Variants in TSHZ1 observed in about 807,000 individuals in gnomAD.
TSHZ1 encodes the protein teashirt homolog 1.
In TSHZ1, 12 loss-of-function variants were observed where a neutral mutation model predicts 67.1. The observed-to-expected ratio is 0.18, with a 90% CI of 0.11 to 0.29. The LOEUF is 0.29. TSHZ1 is among the 10% of genes least tolerant of loss of function. TSHZ1 has a pLI of 1.00. For missense variants in TSHZ1, 1,305 were observed against 1,413.9 expected (o/e 0.92, Z 1.23); for synonymous variants, 632 against 622.4 (o/e 1.02, Z -0.23).
intron 1 of TSHZ1, among the ~76,000 whole-genome samples, chr18:75,265,109 T>C (rs1283374358): frequency 2.0e-5 from 3 of 152,194 alleles, no homozygotes; most frequent in Non-Finnish European, 4.4e-5. Flanking sequence ...GGTAGAGAAA[T>C]GTTTTGGAAA....
At chr18:75,236,023 G>T (rs28560317) in intron 1 of TSHZ1, among the ~76,000 whole-genome samples, 5 of 152,138 alleles carry the variant, frequency 3.3e-5, no homozygotes, top group Non-Finnish European at 2.9e-5. Context: ...GATAGGAAGC[G>T]TGCGTGATAG....
At chr18:75,212,216 AG>A (rs1363093784) in intron 1 of TSHZ1, among the ~76,000 whole-genome samples, 1 of 152,014 alleles carries the variant, frequency 6.6e-6, no homozygotes, top group Non-Finnish European at 1.5e-5. Flanking sequence ...CTACCTCAGG[AG>A]GGGGCGTGCG....
intron 1 of TSHZ1, among the ~76,000 whole-genome samples, chr18:75,226,520 T>A (rs2022927769): frequency 6.6e-6 from 1 of 152,214 alleles, no homozygotes; most frequent in Non-Finnish European, 1.5e-5. Context: ...ATTTCGCCAT[T>A]ACTGAGTTAA....
At chr18:75,270,600 T>C (rs1204945771) in intron 1 of TSHZ1, among the ~76,000 whole-genome samples, 1 of 152,204 alleles carries the variant, frequency 6.6e-6, no homozygotes, top group African/African-American at 2.4e-5. Flanking sequence ...ATTTCAATAT[T>C]GCCACTGGAA....
intron 1 of TSHZ1, among the ~76,000 whole-genome samples, chr18:75,253,722 T>C (rs2023331330): frequency 6.6e-6 from 1 of 152,222 alleles, no homozygotes; most frequent in African/African-American, 2.4e-5. Flanking sequence ...CAAGTAAAAA[T>C]TGCCCACTGG....
At chr18:75,238,840 C>T (rs183840658) in intron 1 of TSHZ1, among the ~76,000 whole-genome samples, 51 of 152,328 alleles carry the variant, frequency 3.3e-4, no homozygotes, top group African/African-American at 1.1e-3. Flanking sequence ...TAATTTGTTG[C>T]CTGACACATC....
In TSHZ1 at chr18:75,211,346, T is replaced by G. The variant is rs1264246765; in HGVS notation, c.-531T>G. On this transcript the variant is annotated 5_prime_UTR_variant, in exon 1 of 2. An upstream start codon of the reference 5' UTR is lost. Transcript: ENST00000580243. ...CTGCATCGGCCTCGCTGGCGCACAATGAGAAAGCTGCGACCCGCGCACTAA... is the reference window on the plus strand; with the variant it reads ...CTGCATCGGCCTCGCTGGCGCACAAGGAGAAAGCTGCGACCCGCGCACTAA... 2 of 151,840 alleles carry G rather than the reference T, an allele frequency of 1.3e-5. No individual in the cohort carries two copies. The highest frequency in any genetic ancestry group is 3.9e-4 in the East Asian group (2 of 5,132). The allele number at this position is 151,840 out of a possible 1,614,324, so 9.4% of individuals were successfully genotyped here. A position where few individuals can be genotyped will look rare whatever the true frequency, so the allele number is the denominator to read the frequency against.
intron 1 of TSHZ1, chr18:75,282,867 C>A (rs1223899641): frequency 6.6e-6 from 1 of 152,496 alleles, no homozygotes; most frequent in Non-Finnish European, 1.5e-5. Flanking sequence ...CATGGGAGGG[C>A]TGGTTTAGCC....
Position 75,288,520 on chromosome 18 carries a change from A to T in TSHZ1, c.3113A>T (p.Gln1038Leu). 1 of 1,614,252 alleles carries T rather than the reference A, an allele frequency of 6.2e-7. No individual in the cohort carries two copies. The highest frequency in any genetic ancestry group is 8.5e-7 in the Non-Finnish European group (1 of 1,180,048). ...ATEEDLGSTF[Q>L]CKLCNRTFAS... ...GAGGAAGACTTGGGCTCCACATTCCAATGTAAGCTCTGCAACCGGACTTTT... is the reference window on the plus strand; with the variant it reads ...GAGGAAGACTTGGGCTCCACATTCCTATGTAAGCTCTGCAACCGGACTTTT... Residue 1038 changes from glutamine (Q) to leucine (L), a missense_variant, in exon 2 of 2, where the codon CAA (glutamine) becomes CTA (leucine). By Grantham distance (113) the Gln-to-Leu change is moderately radical (BLOSUM62 -2). Transcript: ENST00000580243. This position sits in a 1 kb window ranked among gnomAD's most constrained non-coding sequence, Gnocchi z 4.9.
At chr18:75,238,000 C>CA (rs2023101066) in intron 1 of TSHZ1, among the ~76,000 whole-genome samples, 8 of 152,016 alleles carry the variant, frequency 5.3e-5, no homozygotes, top group African/African-American at 1.9e-4. Context: ...TTAGTAGAGA[C>CA]GGGGTTTCTC....
intron 1 of TSHZ1, among the ~76,000 whole-genome samples, chr18:75,236,224 T>C (rs9960011): frequency 0.038 from 5,735 of 152,268 alleles, 137 homozygotes; most frequent in African/African-American, 0.069. Context: ...CAGGGGTGTG[T>C]GTCTCAGCTG....
chr18:75,286,872 T>C lies in TSHZ1; in HGVS notation c.1465T>C (p.Ser489Pro). ...CTCCAGCATCAAAAAGCAGCCCGAC[T>C]CTCCCGCGGGGTCCACGACTTCTGA... Reference protein sequence around the residue: ...PASSIKKQPDSPAGSTTSEEK... With the variant: ...PASSIKKQPDPPAGSTTSEEK... Residue 489 changes from serine to proline, a missense_variant, in exon 2 of 2, where the codon TCT becomes CCT. By Grantham distance (74) the Ser-to-Pro change is moderately conservative. Transcript: ENST00000580243. The surrounding 1 kb of genome is among the most constrained non-coding windows in gnomAD (Gnocchi z 5.1). 1 of 1,614,000 alleles carries C rather than the reference T, an allele frequency of 6.2e-7. No individual in the cohort carries two copies. Among genetic ancestry groups the C allele is most frequent in the South Asian group, 1.1e-5 (1 of 91,076 alleles).
intron 1 of TSHZ1, among the ~76,000 whole-genome samples, chr18:75,256,633 A>G (rs1000454505): frequency 2.6e-5 from 4 of 152,256 alleles, no homozygotes; most frequent in Non-Finnish European, 5.9e-5. Context: ...TCATATAAAC[A>G]TCATTATAGT....
chr18:75,259,226 A>T, intron 1 of TSHZ1, among the ~76,000 whole-genome samples: 2 of 152,328 alleles, frequency 1.3e-5, no homozygotes, highest in African/African-American at 4.8e-5. Context: ...GATTTCACTC[A>T]GTCTCTTTCA....
rs2023814328 is a variant in TSHZ1, at chr18:75,288,357, A to G, written c.2950A>G (p.Thr984Ala). The G allele has an allele frequency of 6.2e-7, 1 of 1,614,092 alleles. No homozygotes were observed. The highest frequency in any genetic ancestry group is 1.3e-5 in the African/African-American group (1 of 74,932). ...DCASQFRTASTYISHLETHLG... is the reference protein window; with the variant it reads ...DCASQFRTASAYISHLETHLG... ...TGCCTCTCAGTTCAGAACTGCTTCT[A>G]CATACATAAGTCATTTGGAGACACA... Residue 984 changes from threonine to alanine, a missense_variant, in exon 2 of 2, where the codon ACA becomes GCA. Physicochemically the swap from Thr to Ala is moderately conservative, Grantham distance 58. Coordinates refer to ENST00000580243, the MANE Select transcript of TSHZ1 (RefSeq NM_001308210.2). The surrounding 1 kb of genome is among the most constrained non-coding windows in gnomAD (Gnocchi z 4.9).
At chr18:75,280,524 A>G (rs1474970133) in intron 1 of TSHZ1, among the ~76,000 whole-genome samples, 2 of 152,240 alleles carry the variant, frequency 1.3e-5, no homozygotes, top group Non-Finnish European at 2.9e-5. Context: ...ACAAAAGAAA[A>G]TAACTTGATC....
chr18:75,268,825 C>G (rs1007882493), intron 1 of TSHZ1, among the ~76,000 whole-genome samples: 2 of 152,188 alleles, frequency 1.3e-5, no homozygotes, highest in African/African-American at 4.8e-5. Flanking sequence ...GATATTCTTA[C>G]TGATTTAAAG....
intron 1 of TSHZ1, among the ~76,000 whole-genome samples, chr18:75,262,292 AG>A (rs138041544): frequency 0.014 from 2,078 of 152,314 alleles, 32 homozygotes; most frequent in Middle Eastern, 0.054. Context: ...AACAAACAAA[AG>A]ACCATGGCAG....
chr18:75,282,223 G>C (rs866941426), intron 1 of TSHZ1, among the ~76,000 whole-genome samples: 1 of 152,148 alleles, frequency 6.6e-6, no homozygotes, highest in South Asian at 2.1e-4. Flanking sequence ...TCTGGACAAC[G>C]CTCTGTGCCT....
Sources: allele counts gnomAD v4.1 joint callset (sites outside exome capture counted in the v4.1 genomes callset), GRCh38; gene constraint gnomAD v4.1.1; non-coding constraint Gnocchi (gnomAD v3.1); transcripts MANE v1.5; gene names NCBI Gene and HGNC (gene_info 2026-07-23, HGNC 2026-07-21).